The following SAMD4A variants were observed in gnomAD, a reference collection of about 807,000 sequenced individuals.
SAMD4A encodes the protein protein Smaug homolog 1.
In SAMD4A, 33 loss-of-function variants were observed where a neutral mutation model predicts 81.3. That is an observed-to-expected ratio of 0.41 (90% CI 0.31 to 0.54). The LOEUF (loss-of-function observed/expected upper bound fraction) is 0.54. Among genes scored for constraint, SAMD4A ranks in the 20% least tolerant of loss-of-function variants. The probability of loss-of-function intolerance (pLI) is 0.37; values close to 1 mark genes in which losing one functional copy is unlikely to be tolerated. For synonymous variants in SAMD4A, 389 were observed against 382.1 expected (o/e 1.02, Z -0.21); for missense variants, 854 against 951.1 (o/e 0.90, Z 1.34).
chr14:54,648,895 G>C (rs1190821414), intron 2 of SAMD4A, among the ~76,000 whole-genome samples: 2 of 152,202 alleles, frequency 1.3e-5, no homozygotes, highest in Non-Finnish European at 2.9e-5. Flanking sequence ...AGTACACCAG[G>C]TGGGAGAGGC....
chr14:54,694,263 C>T (rs1047922991), intron 2 of SAMD4A: 1 of 152,558 alleles, frequency 6.6e-6, no homozygotes. Flanking sequence ...TGATAAGAGA[C>T]TACTGGAGAG....
At chr14:54,627,117 T>C (rs2034782650) in intron 2 of SAMD4A, among the ~76,000 whole-genome samples, 1 of 152,188 alleles carries the variant, frequency 6.6e-6, no homozygotes, top group Non-Finnish European at 1.5e-5. Context: ...AACTAACTCA[T>C]TACCTTTTTA....
At chr14:54,648,009 G>A (rs1349753016) in intron 2 of SAMD4A, among the ~76,000 whole-genome samples, 1 of 152,192 alleles carries the variant, frequency 6.6e-6, no homozygotes, top group African/African-American at 2.4e-5. Context: ...AGCCACATGT[G>A]GCCCTTGAGC....
At chr14:54,690,323 C>T (rs921333571) in intron 2 of SAMD4A, among the ~76,000 whole-genome samples, 1 of 152,088 alleles carries the variant, frequency 6.6e-6, no homozygotes, top group Non-Finnish European at 1.5e-5. Flanking sequence ...GTGTCCAAGA[C>T]ATATCTACAG....
intron 2 of SAMD4A, among the ~76,000 whole-genome samples, chr14:54,612,263 G>A (rs1256808360): frequency 6.6e-6 from 1 of 151,902 alleles, no homozygotes; most frequent in African/African-American, 2.4e-5. Flanking sequence ...CTACTTTTTT[G>A]CTTTCCTTCA....
At chr14:54,784,725 G>GAC (rs1297833991) in intron 12 of SAMD4A, 105 bp downstream of exon 12, 1 of 1,008,814 alleles carries the variant, frequency 9.9e-7, no homozygotes, top group East Asian at 2.4e-5. Flanking sequence ...AGAATTGGGG[G>GAC]AGGACAAGGA....
At position 54,568,111 on chromosome 14, in the gene SAMD4A, C is replaced by T. The variant is rs200235203; in HGVS notation, c.195C>T (p.Pro65=). ...LHVLEREANS[P]GIINQWQQES... ...TCCTCGAACGCGAGGCCAACAGCCC[C>T]GGTAAGTGTGCGGCGGCCGCCGCCG... The change falls in exon 2 of 13, where the codon CCC becomes CCT. Residue 65 remains proline (P), a splice_region_variant and synonymous_variant. Coordinates refer to ENST00000554335, the MANE Select transcript of SAMD4A (RefSeq NM_015589.6). 1.0e-3 allele frequency: 1,510 copies of T among 1,513,208 alleles called. 16 individuals are homozygous for T. In the African/African-American group the frequency reaches 0.018, roughly 18 times the overall value. 93.7% of individuals were successfully genotyped at this position (1,513,208 alleles called of 1,614,324 possible).
chr14:54,728,990 A>G (rs2037493467), intron 3 of SAMD4A, among the ~76,000 whole-genome samples: 2 of 152,236 alleles, frequency 1.3e-5, no homozygotes, highest in Admixed American at 6.5e-5. Context: ...AGCTCAAGAC[A>G]GGAGTTAGTA....
At chr14:54,623,515 CAGG>C (rs1461841025) in intron 2 of SAMD4A, among the ~76,000 whole-genome samples, 2 of 55,244 alleles carry the variant, frequency 3.6e-5, no homozygotes, top group South Asian at 1.2e-3. Flanking sequence ...AAAAAAAAAG[CAGG>C]GGGAGGAAAG....
intron 2 of SAMD4A, among the ~76,000 whole-genome samples, chr14:54,598,860 G>A (rs150084515): frequency 1.2e-4 from 18 of 150,234 alleles, no homozygotes; most frequent in African/African-American, 3.9e-4. Flanking sequence ...TCACTCTGTC[G>A]CCCAGGCTGG....
chr14:54,681,176 C>G (rs1453626288), intron 2 of SAMD4A, among the ~76,000 whole-genome samples: 25 of 137,510 alleles, frequency 1.8e-4, no homozygotes, highest in African/African-American at 5.7e-4. Flanking sequence ...GACCCCCCCT[C>G]CAGCCCCCCA....
At chr14:54,766,138 G>A (rs544494008) in intron 8 of SAMD4A, among the ~76,000 whole-genome samples, 12 of 152,244 alleles carry the variant, frequency 7.9e-5, no homozygotes, top group African/African-American at 2.2e-4. Flanking sequence ...TCAAAAGCCC[G>A]TACTGAAGGC....
chr14:54,590,616 C>T (rs1227347709), intron 2 of SAMD4A, among the ~76,000 whole-genome samples: 1 of 152,224 alleles, frequency 6.6e-6, no homozygotes, highest in Non-Finnish European at 1.5e-5. Context: ...CCTCTCCTCT[C>T]TTCTCCTCTC....
chr14:54,721,109 T>C (rs2037250831), intron 3 of SAMD4A, among the ~76,000 whole-genome samples: 2 of 152,230 alleles, frequency 1.3e-5, no homozygotes. Context: ...TTCGCATAAA[T>C]TGGCAGTCTA....
At chr14:54,636,695 G>A (rs983115977) in intron 2 of SAMD4A, among the ~76,000 whole-genome samples, 2 of 152,088 alleles carry the variant, frequency 1.3e-5, no homozygotes, top group Non-Finnish European at 2.9e-5. Flanking sequence ...AGAATTTCCT[G>A]GCAGATTGGA....
At chr14:54,598,486 A>G (rs1216259237) in intron 2 of SAMD4A, among the ~76,000 whole-genome samples, 1 of 152,230 alleles carries the variant, frequency 6.6e-6, no homozygotes, top group Admixed American at 6.5e-5. Context: ...AGATATTATT[A>G]TGATTAAAGA....
intron 6 of SAMD4A, among the ~76,000 whole-genome samples, chr14:54,753,462 CAAAGTGGCTGGGGA>C (rs1309909366): frequency 1.3e-5 from 2 of 152,184 alleles, no homozygotes; most frequent in East Asian, 1.9e-4. Context: ...CAGGTTGGGT[CAAAGTGGCTGGGGA>C]AAAGTGGCTG....
intron 2 of SAMD4A, among the ~76,000 whole-genome samples, chr14:54,611,963 C>A (rs2034369292): frequency 6.6e-6 from 1 of 151,966 alleles, no homozygotes; most frequent in Non-Finnish European, 1.5e-5. Flanking sequence ...ACTCAAACTG[C>A]AGATAGAAAT....
intron 3 of SAMD4A, among the ~76,000 whole-genome samples, chr14:54,726,683 G>A (rs1168960923): frequency 1.3e-5 from 2 of 152,108 alleles, no homozygotes; most frequent in Admixed American, 1.3e-4. Flanking sequence ...AAGCCACCAA[G>A]GTGCATCTAA....
Sources: gnomAD v4.1 joint callset for allele counts (sites outside exome capture counted in the v4.1 genomes callset) on GRCh38, gnomAD v4.1.1 for gene constraint, MANE v1.5 for transcripts, NCBI Gene and HGNC (gene_info 2026-07-23, HGNC 2026-07-21) for gene names.